COL4A2: variants seen among roughly 807,000 people sequenced by gnomAD.
The protein encoded by COL4A2 is collagen type IV alpha 2 chain, also known as collagen alpha-2(IV) chain.
In COL4A2, 99 loss-of-function variants were observed where a neutral mutation model predicts 200.2. The observed-to-expected ratio is 0.49, with a 90% CI of 0.42 to 0.58. COL4A2 has a LOEUF of 0.58. COL4A2 is among the 20% of genes least tolerant of loss of function. The probability of loss-of-function intolerance (pLI) is 0.00; values close to 1 mark genes in which losing one functional copy is unlikely to be tolerated. For synonymous variants in COL4A2, 897 were observed against 900.6 expected (o/e 1.00, Z 0.07); for missense variants, 1,950 against 2,314.1 (o/e 0.84, Z 3.23).
Position 110,366,176 on chromosome 13 carries a change from A to G in COL4A2, c.180+8624A>G, listed in dbSNP as rs1299133193. Among the ~76,000 whole-genome samples, 4 of 152,326 alleles carry G rather than the reference A, an allele frequency of 2.6e-5. No individual in the cohort carries two copies. In the East Asian group the frequency reaches 7.7e-4, roughly 29 times the overall value. ...CATTGTTTTGTTTTATTCGCTTCCA[A>G]TTCATTCTTAGTAAACAATTGCAGG... On this transcript the variant is annotated intron_variant, in intron 4 of 47. Transcript: ENST00000360467.
intron 3 of COL4A2, among the ~76,000 whole-genome samples, chr13:110,351,290 G>T (rs1248294436): frequency 9.2e-5 from 14 of 151,994 alleles, no homozygotes; most frequent in Non-Finnish European, 1.9e-4. Context: ...ACCCAGGCTG[G>T]TCTTGAACCC....
At chr13:110,334,834 G>A (rs946025258) in intron 3 of COL4A2, among the ~76,000 whole-genome samples, 4 of 152,258 alleles carry the variant, frequency 2.6e-5, no homozygotes, top group African/African-American at 9.6e-5. Context: ...TCCGAGTTAT[G>A]TAGAAAGAAG....
chr13:110,335,162 G>A (rs2139365644), intron 3 of COL4A2, among the ~76,000 whole-genome samples: 1 of 152,218 alleles, frequency 6.6e-6, no homozygotes, highest in South Asian at 2.1e-4. Context: ...CATTGATCCT[G>A]TGGTTGGGAG....
chr13:110,493,411 T>A, intron 39 of COL4A2, 129 bp downstream of exon 39: 1 of 941,558 alleles, frequency 1.1e-6, no homozygotes, highest in South Asian at 1.5e-5. Flanking sequence ...CCTGAAGTGC[T>A]ATGCGATCGG....
intron 4 of COL4A2, among the ~76,000 whole-genome samples, chr13:110,390,612 T>C (rs1878949993): frequency 6.6e-6 from 1 of 152,250 alleles, no homozygotes; most frequent in Non-Finnish European, 1.5e-5. Flanking sequence ...GCAGTAGTTA[T>C]TCCATAGGGC....
chr13:110,393,292 G>C lies in COL4A2; in HGVS notation c.181-31442G>C, dbSNP rs112886340. Among the ~76,000 whole-genome samples, 337 of 152,150 alleles carry C rather than the reference G, an allele frequency of 2.2e-3. 2 individuals carry two copies. The highest frequency in any genetic ancestry group is 8.3e-3 in the South Asian group (40 of 4,824). On this transcript the variant is annotated intron_variant, in intron 4 of 47. Coordinates refer to ENST00000360467, the MANE Select transcript of COL4A2 (RefSeq NM_001846.4). ...ATTAAAATATAAAACTGAACCTTTC[G>C]CTGGCTCAATTTCTTAATGCTAAAT...
chr13:110,506,219 C>A (rs1883859982), intron 45 of COL4A2, among the ~76,000 whole-genome samples, 196 bp from the exon 46 acceptor site: 1 of 150,592 alleles, frequency 6.6e-6, no homozygotes, highest in Non-Finnish European at 1.5e-5. Context: ...GCCGTCCACT[C>A]ACTCTCTCTC....
intron 20 of COL4A2, chr13:110,456,733 C>A: frequency 2.1e-6 from 1 of 472,590 alleles, no homozygotes; most frequent in Non-Finnish European, 4.4e-6. Context: ...TGCCCATGCC[C>A]TGTGTCTGGG....
In COL4A2 at chr13:110,407,496, A is replaced by G. The variant is rs1424929657; in HGVS notation, c.181-17238A>G. On this transcript the variant is annotated intron_variant, in intron 4 of 47. Coordinates refer to ENST00000360467, the MANE Select transcript of COL4A2 (RefSeq NM_001846.4). The stretch of plus-strand genomic sequence containing the variant: ...CAGCACCAGGAGGCCTGGGCATCAC[A>G]TCCACCGACCCGAGTTTCACTCTGC... Among the ~76,000 whole-genome samples the G allele has an allele frequency of 8.5e-5, 13 of 152,338 alleles. No individual in the cohort carries two copies. The East Asian group carries it at 2.5e-3, about 29-fold the overall frequency.
At chr13:110,476,749 A>G (rs1022942656) in intron 29 of COL4A2, among the ~76,000 whole-genome samples, 2 of 152,228 alleles carry the variant, frequency 1.3e-5, no homozygotes, top group Admixed American at 1.3e-4. Context: ...GAAATGCCTG[A>G]ATATAAGGAG....
chr13:110,491,973 G>A (rs906067029), intron 37 of COL4A2, 97 bp from the exon 38 acceptor site: 10 of 1,055,404 alleles, frequency 9.5e-6, no homozygotes, highest in African/African-American at 4.9e-5. Context: ...TCCGGCCCTC[G>A]GCCCCTCCCA....
chr13:110,365,854 G>C (rs908194738), intron 4 of COL4A2, among the ~76,000 whole-genome samples: 1 of 152,184 alleles, frequency 6.6e-6, no homozygotes, highest in Non-Finnish European at 1.5e-5. Flanking sequence ...TCTTAGGATG[G>C]AGGACATGAA....
intron 29 of COL4A2, chr13:110,473,728 C>T (rs996689424): frequency 2.3e-4 from 35 of 152,140 alleles, no homozygotes; most frequent in Admixed American, 2.0e-3. Flanking sequence ...ACCCGAGCCC[C>T]GAGCTTTAAT....
chr13:110,369,211 G>C (rs1594173950), intron 4 of COL4A2, among the ~76,000 whole-genome samples: 1 of 150,330 alleles, frequency 6.7e-6, no homozygotes, highest in Non-Finnish European at 1.5e-5. Flanking sequence ...CTCTGTCTCA[G>C]TAAATAAATA....
intron 6 of COL4A2, among the ~76,000 whole-genome samples, chr13:110,426,947 A>G (rs1334085893): frequency 1.3e-5 from 2 of 152,230 alleles, no homozygotes; most frequent in Admixed American, 6.5e-5. Flanking sequence ...GCCAACAAAC[A>G]GGGATTCCTC....
rs761891227 is a variant in COL4A2 at position 110,482,527 on chromosome 13, T to C, written c.2770T>C (p.Ser924Pro). Residue 924 changes from serine (S) to proline (P), a missense_variant, in exon 32 of 48, where the codon TCA (serine) becomes CCA (proline). Around this residue, in one of 2 missense-constraint regions of COL4A2, gnomAD observed 1,385 missense variants for 1,720.5 expected, o/e 0.80. Transcript: ENST00000360467. The stretch of plus-strand genomic sequence containing the variant: ...CTTTTCCTCTGAAGGAGATAGAGGC[T>C]CACCTGGGATGGATGGTTTCCAAGG... ...GTPGLKGDRGSPGMDGFQGMP... is the reference protein window; with the variant it reads ...GTPGLKGDRGPPGMDGFQGMP... 6.8e-6 allele frequency: 11 copies of C among 1,614,016 alleles called. No homozygotes were observed. In the Admixed American group the frequency reaches 1.2e-4, roughly 17 times the overall value.
At chr13:110,389,968 T>C (rs1015335707) in intron 4 of COL4A2, among the ~76,000 whole-genome samples, 1 of 152,234 alleles carries the variant, frequency 6.6e-6, no homozygotes, top group African/African-American at 2.4e-5. Context: ...GATAATAGCA[T>C]TTGACCAAGT....
chr13:110,402,529 T>C (rs1879409257), intron 4 of COL4A2, among the ~76,000 whole-genome samples: 1 of 152,170 alleles, frequency 6.6e-6, no homozygotes, highest in South Asian at 2.1e-4. Context: ...ACAGCCTTCA[T>C]TGCAGCTCTC....
At chr13:110,405,316 T>G (rs937007754) in intron 4 of COL4A2, among the ~76,000 whole-genome samples, 1 of 152,238 alleles carries the variant, frequency 6.6e-6, no homozygotes, top group South Asian at 2.1e-4. Context: ...CTGGTGTATA[T>G]TGTGGAGGTT....
Sources: allele counts gnomAD v4.1 joint callset (sites outside exome capture counted in the v4.1 genomes callset), GRCh38; gene constraint gnomAD v4.1.1; regional missense constraint gnomAD v4.1.1; transcripts MANE v1.5; gene names NCBI Gene and HGNC (gene_info 2026-07-23, HGNC 2026-07-21).